Variants in RELCH observed in about 807,000 individuals in gnomAD.
The protein encoded by RELCH is RAB11-binding protein RELCH.
Under a neutral mutation model 150.3 loss-of-function variants are expected in RELCH, and 41 were observed. The ratio of observed to expected loss-of-function variants is 0.27; its 90% CI spans 0.21 to 0.35. RELCH has a LOEUF of 0.35. Ranked by LOEUF, RELCH falls within the 10% of genes least tolerant of loss-of-function variation. The pLI, the probability that RELCH is intolerant of heterozygous loss-of-function variation, is 1.00. For synonymous variants in RELCH, 478 were observed against 531.8 expected, an observed-to-expected ratio of 0.90 and a Z score of 1.39; for missense variants, 1,092 against 1,467.8, an observed-to-expected ratio of 0.74 and a Z score of 4.18.
chr18:62,194,007 A>AT (rs113062431), intron 1 of RELCH, among the ~76,000 whole-genome samples: 14,893 of 152,136 alleles, frequency 0.098, 855 homozygotes, highest in East Asian at 0.19. Context: ...GCACTTTGGG[A>AT]GGATGAGGTG....
intron 28 of RELCH, among the ~76,000 whole-genome samples, chr18:62,302,252 T>C (rs2045697461): frequency 6.6e-6 from 1 of 152,222 alleles, no homozygotes; most frequent in Admixed American, 6.5e-5. Flanking sequence ...AAGAGGAATA[T>C]TTAAAATGTG....
chr18:62,262,248 A>G (rs957715194), intron 16 of RELCH, among the ~76,000 whole-genome samples: 2 of 152,058 alleles, frequency 1.3e-5, no homozygotes, highest in African/African-American at 4.8e-5. Flanking sequence ...TAGCTAGTAA[A>G]TGACCTTTGA....
intron 16 of RELCH, among the ~76,000 whole-genome samples, chr18:62,262,527 T>C (rs1738587164): frequency 6.6e-6 from 1 of 152,056 alleles, no homozygotes; most frequent in African/African-American, 2.4e-5. Flanking sequence ...TGAAGCCACA[T>C]GATAAAAATA....
At chr18:62,300,017 G>A (rs2045594362) in intron 28 of RELCH, 1 of 152,116 alleles carries the variant, frequency 6.6e-6, no homozygotes, top group African/African-American at 2.4e-5. Context: ...TTGAGTCAGG[G>A]TCCAAATGAG....
chr18:62,297,866 T>C (rs901053270), intron 27 of RELCH, among the ~76,000 whole-genome samples: 15 of 152,222 alleles, frequency 9.9e-5, no homozygotes, highest in Admixed American at 6.5e-4. Flanking sequence ...TTCATGTTTT[T>C]ACTTAAACAT....
intron 18 of RELCH, among the ~76,000 whole-genome samples, chr18:62,265,680 G>A (rs1206034907): frequency 2.0e-5 from 3 of 151,948 alleles, no homozygotes; most frequent in African/African-American, 7.2e-5. Context: ...CTTGGGTTAT[G>A]GTCCTATTAT....
At chr18:62,303,194 G>A (rs1168398524) in intron 28 of RELCH, among the ~76,000 whole-genome samples, 4 of 151,896 alleles carry the variant, frequency 2.6e-5, no homozygotes, top group Non-Finnish European at 4.4e-5. Flanking sequence ...AAGCTTTGTA[G>A]TATAGACCTG....
intron 20 of RELCH, among the ~76,000 whole-genome samples, chr18:62,269,237 AG>A (rs1478419960): frequency 6.6e-6 from 1 of 152,184 alleles, no homozygotes; most frequent in Non-Finnish European, 1.5e-5. Flanking sequence ...AGTTTTTCAT[AG>A]ATAAATGATA....
intron 26 of RELCH, among the ~76,000 whole-genome samples, chr18:62,290,463 G>A (rs900812836): frequency 4.6e-5 from 7 of 152,078 alleles, no homozygotes; most frequent in African/African-American, 7.2e-5. Flanking sequence ...CCCAGGAGGC[G>A]GAGGTTGCAG....
intron 1 of RELCH, among the ~76,000 whole-genome samples, chr18:62,204,471 G>A (rs1396429471): frequency 6.6e-6 from 1 of 152,002 alleles, no homozygotes; most frequent in Non-Finnish European, 1.5e-5. Context: ...AGCTGGGACT[G>A]CAGGAATGTG....
chr18:62,207,706 A>G (rs1300257798), intron 1 of RELCH, among the ~76,000 whole-genome samples: 1 of 152,230 alleles, frequency 6.6e-6, no homozygotes, highest in Non-Finnish European at 1.5e-5. Flanking sequence ...TCACCCTTTT[A>G]AAGTGTACAA....
intron 2 of RELCH, among the ~76,000 whole-genome samples, chr18:62,219,553 C>A (rs2040716241): frequency 6.7e-6 from 1 of 149,930 alleles, no homozygotes; most frequent in African/African-American, 2.4e-5. Context: ...TCTGTACTTA[C>A]CTTACACACT....
intron 26 of RELCH, among the ~76,000 whole-genome samples, chr18:62,289,926 T>C (rs539134038): frequency 6.6e-6 from 1 of 152,342 alleles, no homozygotes; most frequent in African/African-American, 2.4e-5. Context: ...GATCAGACTC[T>C]TAAACTACTA....
At chr18:62,278,175 ATT>A (rs1036759248) in intron 22 of RELCH, among the ~76,000 whole-genome samples, 9 of 152,294 alleles carry the variant, frequency 5.9e-5, no homozygotes, top group African/African-American at 1.9e-4. Context: ...TGAAAAATTA[ATT>A]TGTCCTCTAC....
chr18:62,211,149 A>G lies in RELCH; in HGVS notation c.527-4A>G. 6.5e-7 allele frequency: 1 copy of G among 1,526,778 alleles called. No individual in the cohort carries two copies. Among genetic ancestry groups the G allele is most frequent in the East Asian group, 2.3e-5 (1 of 44,060 alleles). 94.6% of individuals were successfully genotyped at this position (1,526,778 alleles called of 1,614,324 possible). On this transcript the variant is annotated splice_polypyrimidine_tract_variant and splice_region_variant and intron_variant, in intron 1 of 28. Coordinates refer to ENST00000644646, the MANE Select transcript of RELCH (RefSeq NM_001346231.2). ...AAAAACTTTTATATTTCTCTTTATT[A>G]TAGATCGAGCTGGGAGCATTAGTAC...
At chr18:62,203,978 C>CA (rs1394064357) in intron 1 of RELCH, among the ~76,000 whole-genome samples, 1 of 151,508 alleles carries the variant, frequency 6.6e-6, no homozygotes, top group Non-Finnish European at 1.5e-5. Flanking sequence ...GAGCCTATCT[C>CA]AAAAAAACAG....
rs926720290 is a variant in RELCH at position 62,309,673 on chromosome 18, G to A, written c.*4139G>A. ...ACTGTTTGCTTTTCTCCAGAGAGGC[G>A]TCAATAAATCTGGGAAATTCTGTCC... is the stretch of plus-strand genomic sequence containing the variant. On this transcript the variant is annotated 3_prime_UTR_variant, in exon 29 of 29. Transcript: ENST00000644646. 10 of 152,102 alleles carry A rather than the reference G, an allele frequency of 6.6e-5. No individual in the cohort carries two copies. The highest frequency in any genetic ancestry group is 3.8e-4 in the East Asian group (2 of 5,202). The allele number at this position is 152,102 out of a possible 1,614,324, so 9.4% of individuals were successfully genotyped here. A position where few individuals can be genotyped will look rare whatever the true frequency, so the allele number is the denominator to read the frequency against.
intron 1 of RELCH, among the ~76,000 whole-genome samples, chr18:62,195,862 A>G (rs745305988): frequency 7.2e-5 from 11 of 151,754 alleles, no homozygotes; most frequent in Non-Finnish European, 1.5e-4. Flanking sequence ...CACCCAGCCA[A>G]TTTTTTTATT....
At chr18:62,284,810 C>T (rs1308611239) in intron 25 of RELCH, among the ~76,000 whole-genome samples, 1 of 151,898 alleles carries the variant, frequency 6.6e-6, no homozygotes, top group Non-Finnish European at 1.5e-5. Flanking sequence ...TTGTTCTTTC[C>T]CAATTGTTAG....
Sources: gnomAD v4.1 joint callset for allele counts (sites outside exome capture counted in the v4.1 genomes callset) on GRCh38, gnomAD v4.1.1 for gene constraint, MANE v1.5 for transcripts, NCBI Gene and HGNC (gene_info 2026-07-23, HGNC 2026-07-21) for gene names.